The following PMPCB variants were observed in gnomAD, a reference collection of about 807,000 sequenced individuals.
PMPCB encodes the protein peptidase, mitochondrial processing subunit beta.
Under a neutral mutation model 61.5 loss-of-function variants are expected in PMPCB, and 46 were observed. The observed-to-expected ratio is 0.75, with a 90% CI of 0.59 to 0.96. The LOEUF is 0.96. PMPCB is among the 40% of genes least tolerant of loss of function. The pLI is 0.00. For missense variants in PMPCB, 590 were observed against 602.4 expected, an observed-to-expected ratio of 0.98 and a Z score of 0.22; for synonymous variants, 191 against 201.6, an observed-to-expected ratio of 0.95 and a Z score of 0.44.
At chr7:103,318,243 G>A (rs1241229468), downstream of PMPCB, among the ~76,000 whole-genome samples, 2 of 151,856 alleles carry the variant, frequency 1.3e-5, no homozygotes, top group African/African-American at 4.8e-5. Context: ...ATAGCTCACT[G>A]CAGCTGTGAC....
In PMPCB at chr7:103,312,243, G is replaced by A. The variant is rs530790514; in HGVS notation, c.1442G>A (p.Arg481His). ...IKQLPDFKQI[R>H]SNMCWLRD The stretch of plus-strand genomic sequence containing the variant: ...CAACTACCAGATTTTAAACAGATAC[G>A]CAGTAACATGTGTTGGCTTCGTGAT... Residue 481 changes from arginine to histidine, a missense_variant, in exon 13 of 13, where the codon CGC becomes CAC. Arg to His is a conservative substitution (Grantham distance 29, BLOSUM62 0). Transcript: ENST00000249269. 16 of 1,612,406 alleles carry A rather than the reference G, an allele frequency of 9.9e-6. No homozygotes were observed. Among genetic ancestry groups the A allele is most frequent in the African/African-American group, 1.3e-5 (1 of 74,988 alleles).
At chr7:103,321,812 C>T (rs1324080699) in intron 12 of PMPCB, 1 of 1,131,132 alleles carries the variant, frequency 8.8e-7, no homozygotes, top group African/African-American at 1.6e-5. Context: ...CGCGCCACTG[C>T]ACTCCAGCCT....
At chr7:103,335,153 A>AT in the PMPCB span, 3 of 152,060 alleles carry the variant, frequency 2.0e-5, no homozygotes, top group Non-Finnish European at 4.4e-5. Context: ...CACTTAATTA[A>AT]TTTTCATTAC....
intron 12 of PMPCB, chr7:103,319,801 A>G (rs753082361): frequency 6.2e-7 from 1 of 1,614,180 alleles, no homozygotes; most frequent in Non-Finnish European, 8.5e-7. Context: ...TTCTTCCATC[A>G]TTTTAACCCG....
intron 7 of PMPCB, among the ~76,000 whole-genome samples, chr7:103,308,610 C>T (rs563329453): frequency 2.6e-5 from 4 of 152,016 alleles, no homozygotes; most frequent in Non-Finnish European, 5.9e-5. Context: ...CAGAGTGAGA[C>T]TCTGTCTCAA....
At chr7:103,328,925 T>C in intron 12 of PMPCB, 1 of 973,104 alleles carries the variant, frequency 1.0e-6, no homozygotes, top group Non-Finnish European at 1.4e-6. Context: ...GATTCTTTCT[T>C]CTTAGGATAT....
At chr7:103,323,475 A>C in intron 12 of PMPCB, 1 of 1,034,370 alleles carries the variant, frequency 9.7e-7, no homozygotes, top group Non-Finnish European at 1.3e-6. Flanking sequence ...ATATTAAAAA[A>C]TTGTTTAAAA....
At chr7:103,309,714 A>G (rs1817685385) in intron 8 of PMPCB, among the ~76,000 whole-genome samples, 1 of 152,236 alleles carries the variant, frequency 6.6e-6, no homozygotes, top group African/African-American at 2.4e-5. Context: ...TGATGTAAGA[A>G]CATTAATTTC....
At chr7:103,316,718 CAG>C (rs1237094869), downstream of PMPCB, 4 of 923,420 alleles carry the variant, frequency 4.3e-6, no homozygotes, top group Non-Finnish European at 6.5e-6. Context: ...TGCTGTGGCA[CAG>C]AATTTATCTC....
the PMPCB span, chr7:103,337,753 C>G: frequency 1.9e-6 from 3 of 1,613,456 alleles, no homozygotes; most frequent in African/African-American, 2.7e-5. Flanking sequence ...TTTGATCTGT[C>G]TCTGTGTAGC....
downstream of PMPCB, among the ~76,000 whole-genome samples, chr7:103,329,910 C>T (rs1047465640): frequency 3.3e-5 from 5 of 152,036 alleles, no homozygotes; most frequent in Non-Finnish European, 7.3e-5. Flanking sequence ...CAATAGTTGT[C>T]TCTTATTTAA....
At position 103,313,568 on chromosome 7, in the gene PMPCB, A is replaced by C; in HGVS notation, c.*1297A>C. Reference sequence around the variant, plus strand: ...GGAAATCATTCTTGTTTTACACTGAAGGAAACAAACCTAGCAAAATTAAGC... The same window carrying C: ...GGAAATCATTCTTGTTTTACACTGACGGAAACAAACCTAGCAAAATTAAGC... On this transcript the variant is annotated 3_prime_UTR_variant, in exon 13 of 13. Transcript: ENST00000249269. The C allele has an allele frequency of 2.0e-6, 2 of 982,108 alleles. No homozygotes were observed. The highest frequency in any genetic ancestry group is 1.2e-6 in the Non-Finnish European group (1 of 826,906). The allele number at this position is 982,108 out of a possible 1,614,324, so 60.8% of individuals were successfully genotyped here. A position where few individuals can be genotyped will look rare whatever the true frequency, so the allele number is the denominator to read the frequency against.
In PMPCB at chr7:103,312,202, C is replaced by T; in HGVS notation, c.1406-5C>T. 6.2e-7 allele frequency: 1 copy of T among 1,613,742 alleles called. No homozygotes were observed. The highest frequency in any genetic ancestry group is 1.1e-5 in the South Asian group (1 of 91,058). On this transcript the variant is annotated splice_polypyrimidine_tract_variant and splice_region_variant and intron_variant, in intron 12 of 12. Coordinates refer to ENST00000249269, the MANE Select transcript of PMPCB (RefSeq NM_004279.3). Reference sequence around the variant, plus strand: ...TTTTAATTAACTCTTCTTTTTAATCCTTAGGTCCCATTAAGCAACTACCAG... The same window carrying T: ...TTTTAATTAACTCTTCTTTTTAATCTTTAGGTCCCATTAAGCAACTACCAG...
chr7:103,306,817 G>A (rs776209066), intron 6 of PMPCB, among the ~76,000 whole-genome samples: 9 of 152,176 alleles, frequency 5.9e-5, no homozygotes, highest in Non-Finnish European at 1.0e-4. Context: ...GTGCAGTGGT[G>A]TGATCTCAGC....
intron 5 of PMPCB, 55 bp downstream of exon 5, chr7:103,304,095 A>C (rs1416122300): frequency 3.1e-6 from 4 of 1,304,300 alleles, no homozygotes; most frequent in Non-Finnish European, 4.3e-6. Flanking sequence ...GTTGAAAATA[A>C]ACATTTACAA....
chr7:103,302,843 C>T (rs543930091), intron 4 of PMPCB, among the ~76,000 whole-genome samples: 3 of 152,074 alleles, frequency 2.0e-5, no homozygotes, highest in Admixed American at 2.0e-4. Flanking sequence ...AATTTTGAGT[C>T]CAGTCTGGGC....
At chr7:103,310,010 T>C (rs1817692250) in intron 8 of PMPCB, among the ~76,000 whole-genome samples, 1 of 152,226 alleles carries the variant, frequency 6.6e-6, no homozygotes, top group Non-Finnish European at 1.5e-5. Context: ...TAAGCGTATG[T>C]AGCCAAGAGT....
intron 12 of PMPCB, among the ~76,000 whole-genome samples, chr7:103,325,461 A>AC (rs1554568552): frequency 5.9e-5 from 9 of 151,422 alleles, no homozygotes; most frequent in Non-Finnish European, 1.0e-4. Flanking sequence ...AAAAAAAAAA[A>AC]CCAAAAAACA....
chr7:103,333,008 T>C (rs952229126), downstream of PMPCB, among the ~76,000 whole-genome samples: 3 of 152,048 alleles, frequency 2.0e-5, no homozygotes, highest in African/African-American at 7.3e-5. Flanking sequence ...TTTTTTTAGA[T>C]TTTGGAATAT....
Sources: gnomAD v4.1 joint callset for allele counts (sites outside exome capture counted in the v4.1 genomes callset) on GRCh38, gnomAD v4.1.1 for gene constraint, MANE v1.5 for transcripts, NCBI Gene and HGNC (gene_info 2026-07-23, HGNC 2026-07-21) for gene names.